Variants in HS3ST4 observed in about 807,000 individuals in gnomAD.
HS3ST4 encodes heparan sulfate-glucosamine 3-sulfotransferase 4.
Under a neutral mutation model 29.2 loss-of-function variants are expected in HS3ST4, and 17 were observed. The observed-to-expected ratio is 0.58, with a 90% CI of 0.40 to 0.87. The LOEUF is 0.87. HS3ST4 is among the 40% of genes least tolerant of loss of function. The pLI is 0.00. For missense variants in HS3ST4, 627 were observed against 634.5 expected, an observed-to-expected ratio of 0.99 and a Z score of 0.13; for synonymous variants, 314 against 285.7, an observed-to-expected ratio of 1.10 and a Z score of -1.00.
At chr16:25,730,140 C>T (rs907667582) in intron 1 of HS3ST4, among the ~76,000 whole-genome samples, 4 of 152,116 alleles carry the variant, frequency 2.6e-5, no homozygotes, top group African/African-American at 4.8e-5. Context: ...GTCTCAATGG[C>T]GGCATGGTGG....
intron 1 of HS3ST4, among the ~76,000 whole-genome samples, chr16:25,735,666 A>G (rs1424259209): frequency 6.6e-6 from 1 of 152,164 alleles, no homozygotes; most frequent in African/African-American, 2.4e-5. Flanking sequence ...GCTGGGGATT[A>G]CGGGTATGAG....
At chr16:26,034,988 GAAGA>G (rs978065584) in intron 1 of HS3ST4, among the ~76,000 whole-genome samples, 7 of 151,844 alleles carry the variant, frequency 4.6e-5, no homozygotes, top group Admixed American at 2.0e-4. Flanking sequence ...TCTGAAAAAA[GAAGA>G]AAGAAACAAA....
chr16:25,903,273 C>CGTGTGTGTGTGTGTGT (rs71385584), intron 1 of HS3ST4, among the ~76,000 whole-genome samples: 6 of 58,428 alleles, frequency 1.0e-4, no homozygotes, highest in African/African-American at 3.3e-4. Flanking sequence ...GAAGAATATA[C>CGTGTGTGTGTGTGTGT]GTGTGTGTGT....
chr16:25,958,020 T>G (rs1968754635), intron 1 of HS3ST4, among the ~76,000 whole-genome samples: 1 of 152,010 alleles, frequency 6.6e-6, no homozygotes, highest in Admixed American at 6.5e-5. Context: ...TCAGGCAGAG[T>G]GAAGCTTGCT....
intron 1 of HS3ST4, among the ~76,000 whole-genome samples, chr16:26,028,692 C>A (rs1969501958): frequency 6.6e-6 from 1 of 152,222 alleles, no homozygotes; most frequent in Admixed American, 6.5e-5. Flanking sequence ...AACTATCCCA[C>A]ATCTCCATGT....
At chr16:25,791,937 C>T (rs1966870157) in intron 1 of HS3ST4, among the ~76,000 whole-genome samples, 1 of 151,870 alleles carries the variant, frequency 6.6e-6, no homozygotes, top group South Asian at 2.1e-4. Context: ...TTACTTGTCT[C>T]TTATTTCAGA....
chr16:26,132,240 G>C (rs527957209), intron 1 of HS3ST4, among the ~76,000 whole-genome samples: 1 of 152,134 alleles, frequency 6.6e-6, no homozygotes, highest in Non-Finnish European at 1.5e-5. Flanking sequence ...GAATCAGTTT[G>C]AGGAAAGGGA....
intron 1 of HS3ST4, among the ~76,000 whole-genome samples, chr16:25,807,788 C>A (rs1967003208): frequency 6.6e-6 from 1 of 152,142 alleles, no homozygotes; most frequent in South Asian, 2.1e-4. Flanking sequence ...GATCCAGGTT[C>A]TCTGCAGTCT....
intron 1 of HS3ST4, among the ~76,000 whole-genome samples, chr16:25,880,998 A>G (rs1030581810): frequency 5.3e-5 from 8 of 152,182 alleles, no homozygotes; most frequent in African/African-American, 1.9e-4. Context: ...TTGAGTATGG[A>G]TGGCTCACCC....
At chr16:25,820,719 A>G (rs1038934451) in intron 1 of HS3ST4, among the ~76,000 whole-genome samples, 2 of 151,900 alleles carry the variant, frequency 1.3e-5, no homozygotes. Flanking sequence ...ACAAGCAAGC[A>G]CCACCAGACC....
chr16:26,135,265 G>A (rs866166425), intron 1 of HS3ST4, among the ~76,000 whole-genome samples: 9 of 152,270 alleles, frequency 5.9e-5, no homozygotes, highest in Middle Eastern at 3.4e-3. Flanking sequence ...ATACTACAGT[G>A]TGAAGTCAGT....
At chr16:25,765,446 G>C (rs1488237056) in intron 1 of HS3ST4, among the ~76,000 whole-genome samples, 3 of 152,176 alleles carry the variant, frequency 2.0e-5, no homozygotes, top group Non-Finnish European at 4.4e-5. Flanking sequence ...GTTTAGAGCT[G>C]GGATTAGGGT....
At chr16:25,832,052 A>G (rs1013234535) in intron 1 of HS3ST4, among the ~76,000 whole-genome samples, 2 of 152,094 alleles carry the variant, frequency 1.3e-5, no homozygotes, top group African/African-American at 4.8e-5. Context: ...GGCTGCAGTG[A>G]ACCATGATGA....
intron 1 of HS3ST4, among the ~76,000 whole-genome samples, chr16:25,915,627 C>T (rs1968286486): frequency 6.6e-6 from 1 of 152,200 alleles, no homozygotes; most frequent in African/African-American, 2.4e-5. Context: ...TACATGGCCT[C>T]AGCTGACGTC....
At chr16:25,953,397 A>G (rs1398123698) in intron 1 of HS3ST4, among the ~76,000 whole-genome samples, 1 of 152,212 alleles carries the variant, frequency 6.6e-6, no homozygotes, top group African/African-American at 2.4e-5. Context: ...CTTCCTTAGT[A>G]CTAGAAAGCC....
At chr16:25,800,206 T>C (rs529650417) in intron 1 of HS3ST4, among the ~76,000 whole-genome samples, 1 of 152,236 alleles carries the variant, frequency 6.6e-6, no homozygotes, top group East Asian at 1.9e-4. Flanking sequence ...TAAGTAGAAA[T>C]AGTTGTCAAA....
At chr16:26,030,787 A>G (rs925774686) in intron 1 of HS3ST4, among the ~76,000 whole-genome samples, 1 of 152,208 alleles carries the variant, frequency 6.6e-6, no homozygotes, top group East Asian at 1.9e-4. Flanking sequence ...CTTGAAATTC[A>G]TCTCTTCTAC....
intron 1 of HS3ST4, among the ~76,000 whole-genome samples, chr16:26,013,395 A>T (rs1456965961): frequency 6.6e-6 from 1 of 152,170 alleles, no homozygotes; most frequent in African/African-American, 2.4e-5. Flanking sequence ...AATATTATCT[A>T]GCTCAAGAGG....
intron 1 of HS3ST4, among the ~76,000 whole-genome samples, chr16:25,916,902 A>T (rs897464549): frequency 2.0e-5 from 3 of 151,670 alleles, no homozygotes; most frequent in African/African-American, 7.3e-5. Context: ...GATGGTCTCG[A>T]TCTCCTGACC....
Sources: gnomAD v4.1 joint callset for allele counts (sites outside exome capture counted in the v4.1 genomes callset) on GRCh38, gnomAD v4.1.1 for gene constraint, MANE v1.5 for transcripts, NCBI Gene and HGNC (gene_info 2026-07-23, HGNC 2026-07-21) for gene names.